The following ITGB2 variants were observed in gnomAD, a reference collection of about 807,000 sequenced individuals.
ITGB2 encodes the protein integrin beta-2.
A neutral mutation model predicts 86.8 loss-of-function variants in ITGB2; 56 were observed. That is an observed-to-expected ratio of 0.65 (90% confidence interval 0.52 to 0.81). The LOEUF (loss-of-function observed/expected upper bound fraction) is 0.81, where lower values mean the gene tolerates loss of function less well. Ranked by LOEUF, ITGB2 falls within the 30% of genes least tolerant of loss-of-function variation. The probability of loss-of-function intolerance (pLI) is 0.00; values close to 1 mark genes in which losing one functional copy is unlikely to be tolerated. For synonymous variants in ITGB2, 457 were observed against 450.4 expected, an observed-to-expected ratio of 1.01 and a Z score of -0.19; for missense variants, 948 against 1,061.2, an observed-to-expected ratio of 0.89 and a Z score of 1.48.
chr21:44,895,906 T>TA (rs2083861338), intron 8 of ITGB2, among the ~76,000 whole-genome samples: 1 of 147,660 alleles, frequency 6.8e-6, no homozygotes, highest in Non-Finnish European at 1.5e-5. Context: ...ATAAAATAAA[T>TA]AAAAAATAAA....
chr21:44,896,106 G>GCTCCCGCCTGTGGTGTGAGTA (rs1352157895), intron 8 of ITGB2, among the ~76,000 whole-genome samples: 2 of 151,992 alleles, frequency 1.3e-5, no homozygotes, highest in African/African-American at 4.8e-5. Flanking sequence ...CGGTGTGACT[G>GCTCCCGCCTGTGGTGTGAGTA]CTCCCGCCTG....
intron 14 of ITGB2, 93 bp downstream of exon 14, chr21:44,888,600 G>T: frequency 7.1e-7 from 1 of 1,406,816 alleles, no homozygotes; most frequent in Non-Finnish European, 9.8e-7. Flanking sequence ...CAACACTGGA[G>T]GTGAGATCCT....
At chr21:44,900,561 G>A (rs920014188) in intron 6 of ITGB2, 86 bp from the exon 7 acceptor site, 2 of 1,549,026 alleles carry the variant, frequency 1.3e-6, no homozygotes, top group Non-Finnish European at 1.8e-6. Flanking sequence ...TGCAGAGCTG[G>A]TGGGGTGGCC....
At position 44,888,676 on chromosome 21, in the gene ITGB2, C is replaced by T. The variant is rs748698954; in HGVS notation, c.2080+17G>A. ...GGAGCTCTGGAGCCGGTCCCCGCTG[C>T]ACCCCAGCGGCCTCACCTCGGCTCT... On this transcript the variant is annotated intron_variant, in intron 14 of 15. Coordinates refer to ENST00000652462, the MANE Select transcript of ITGB2 (RefSeq NM_000211.5). The T allele has an allele frequency of 1.4e-5, 23 of 1,604,136 alleles. No individual in the cohort carries two copies. The South Asian group carries it at 2.1e-4, about 15-fold the overall frequency.
intron 7 of ITGB2, among the ~76,000 whole-genome samples, chr21:44,899,981 G>C (rs2083925933): frequency 4.6e-5 from 7 of 152,212 alleles, no homozygotes; most frequent in Admixed American, 4.6e-4. Context: ...CAGAGGCGGG[G>C]ACGGCAGGGT....
At chr21:44,905,419 A>C (rs372655662) in intron 4 of ITGB2, among the ~76,000 whole-genome samples, 1 of 149,976 alleles carries the variant, frequency 6.7e-6, no homozygotes, top group African/African-American at 2.5e-5. Context: ...CCACTCCCCC[A>C]CCCTTCCCCA....
chr21:44,890,617 C>T (rs1032039695), intron 11 of ITGB2, among the ~76,000 whole-genome samples: 19 of 152,198 alleles, frequency 1.2e-4, no homozygotes, highest in Non-Finnish European at 2.8e-4. Context: ...CACAGCCCCG[C>T]CCTCCCTCCT....
chr21:44,889,018 G>C, intron 13 of ITGB2, 123 bp from the exon 14 acceptor site: 1 of 812,896 alleles, frequency 1.2e-6, no homozygotes, highest in South Asian at 1.5e-5. Context: ...TCAGGCCAAG[G>C]AGGGGGCCCA....
In ITGB2 at chr21:44,901,663, T is replaced by C; in HGVS notation, c.570A>G (p.Pro190=). 2 of 1,614,162 alleles carry C rather than the reference T, an allele frequency of 1.2e-6. No individual in the cohort carries two copies. The highest frequency in any genetic ancestry group is 1.1e-5 in the South Asian group (1 of 91,086). The change falls in exon 6 of 16, where the codon CCA becomes CCG. Residue 190 remains proline, a synonymous_variant. Coordinates refer to ENST00000652462, the MANE Select transcript of ITGB2 (RefSeq NM_000211.5). ...GGCACTCTTTCTCCTTGTTGGGGCATGGGTTTCGCAGCTTATCAGGGTGCG... is the reference window on the plus strand; with the variant it reads ...GGCACTCTTTCTCCTTGTTGGGGCACGGGTTTCGCAGCTTATCAGGGTGCG... ...VNTHPDKLRN[P]CPNKEKECQP...
intron 3 of ITGB2, 110 bp from the exon 4 acceptor site, chr21:44,907,205 T>G (rs1448645376): frequency 2.5e-6 from 2 of 791,556 alleles, no homozygotes; most frequent in Non-Finnish European, 4.0e-6. Flanking sequence ...CCTCTGCGCC[T>G]GGAATTTGGG....
chr21:44,900,523 A>G lies in ITGB2; in HGVS notation c.742-48T>C, dbSNP rs774174039. On this transcript the variant is annotated intron_variant, in intron 6 of 15. Transcript: ENST00000652462. ...AGGGTTACCTGCCTCAGTTTCCCAG[A>G]CCCGGCCCTCTGGAGCAGAGGAGAC... The G allele has an allele frequency of 5.0e-6, 8 of 1,609,272 alleles. No individual in the cohort carries two copies. In the South Asian group the frequency reaches 8.8e-5, roughly 18 times the overall value.
At chr21:44,900,728 C>T (rs1409706455) in intron 6 of ITGB2, among the ~76,000 whole-genome samples, 1 of 152,190 alleles carries the variant, frequency 6.6e-6, no homozygotes, top group Non-Finnish European at 1.5e-5. Flanking sequence ...AGGAGAGAGA[C>T]ACGGCTGCGG....
At chr21:44,907,121 G>C (rs1449424208) in intron 3 of ITGB2, 26 bp from the exon 4 acceptor site, 1 of 1,559,788 alleles carries the variant, frequency 6.4e-7, no homozygotes. Context: ...CAGGGGTCAG[G>C]AGGGGGCCAC....
intron 1 of ITGB2, among the ~76,000 whole-genome samples, chr21:44,912,154 G>A (rs1041427686): frequency 9.2e-5 from 14 of 152,192 alleles, no homozygotes; most frequent in African/African-American, 2.2e-4. Context: ...CTGCTGGGGC[G>A]TTCCTGCCCC....
At position 44,903,362 on chromosome 21, in the gene ITGB2, C is replaced by T; in HGVS notation, c.499+3G>A. ...GTTTTGTCCTGCAGTGCCTGGGCCTCACCAATGCGGCCGGACTCGGTGATC... is the reference window on the plus strand; with the variant it reads ...GTTTTGTCCTGCAGTGCCTGGGCCTTACCAATGCGGCCGGACTCGGTGATC... On this transcript the variant is annotated splice_donor_region_variant and intron_variant, in intron 5 of 15. Coordinates refer to ENST00000652462, the MANE Select transcript of ITGB2 (RefSeq NM_000211.5). The T allele has an allele frequency of 6.2e-7, 1 of 1,614,030 alleles. No homozygotes were observed. The highest frequency in any genetic ancestry group is 8.5e-7 in the Non-Finnish European group (1 of 1,179,956).
chr21:44,889,860 T>C, intron 12 of ITGB2, 118 bp downstream of exon 12: 9 of 1,447,284 alleles, frequency 6.2e-6, no homozygotes, highest in Non-Finnish European at 8.6e-6. Context: ...AGACTTGCAC[T>C]GTCTGTCCTC....
chr21:44,912,662 C>T (rs1204888303), intron 1 of ITGB2, among the ~76,000 whole-genome samples: 4 of 152,106 alleles, frequency 2.6e-5, no homozygotes, highest in African/African-American at 9.7e-5. Context: ...TGGTTCAGGC[C>T]GAGGCCAGTT....
chr21:44,915,187 C>G (rs897836359), intron 1 of ITGB2, among the ~76,000 whole-genome samples: 2 of 152,110 alleles, frequency 1.3e-5, no homozygotes, highest in African/African-American at 4.8e-5. Flanking sequence ...CCACGCCCAG[C>G]TAATTTTTTT....
chr21:44,919,136 C>T (rs1347503171), intron 1 of ITGB2, among the ~76,000 whole-genome samples: 2 of 152,184 alleles, frequency 1.3e-5, no homozygotes, highest in African/African-American at 2.4e-5. Context: ...CCTGCTTCAC[C>T]GAGGGCCACA....
Sources: gnomAD v4.1 joint callset for allele counts (sites outside exome capture counted in the v4.1 genomes callset) on GRCh38, gnomAD v4.1.1 for gene constraint, MANE v1.5 for transcripts, NCBI Gene and HGNC (gene_info 2026-07-23, HGNC 2026-07-21) for gene names.